Variants in PRKAR2A observed in about 807,000 individuals in gnomAD.
The protein encoded by PRKAR2A is protein kinase cAMP-dependent type II regulatory subunit alpha.
A neutral mutation model predicts 51.9 loss-of-function variants in PRKAR2A; 29 were observed. The ratio of observed to expected loss-of-function variants is 0.56; its 90% CI spans 0.42 to 0.76. PRKAR2A has a LOEUF of 0.76. Among genes scored for constraint, PRKAR2A ranks in the 30% least tolerant of loss-of-function variants. The pLI, the probability that PRKAR2A is intolerant of heterozygous loss-of-function variation, is 0.00. For missense variants in PRKAR2A, 445 were observed against 512.1 expected (o/e 0.87, Z 1.26); for synonymous variants, 178 against 186.2 (o/e 0.96, Z 0.36).
rs1483558482 is a variant in PRKAR2A at position 48,767,271 on chromosome 3, G to A, written c.697-1922C>T. Among the ~76,000 whole-genome samples the A allele has an allele frequency of 2.0e-5, 3 of 152,030 alleles. No individual in the cohort carries two copies. The East Asian group carries it at 5.8e-4, about 29-fold the overall frequency. On this transcript the variant is annotated intron_variant, in intron 6 of 10. Coordinates refer to ENST00000265563, the MANE Select transcript of PRKAR2A (RefSeq NM_004157.4). Reference sequence around the variant, plus strand: ...AGGCAGACGGATCGCTTGAGGTCAGGAGTTCAAGACCAGCCTGGCCAATAT... The same window carrying A: ...AGGCAGACGGATCGCTTGAGGTCAGAAGTTCAAGACCAGCCTGGCCAATAT...
intron 4 of PRKAR2A, among the ~76,000 whole-genome samples, chr3:48,787,160 ATTTAT>A (rs2082307243): frequency 4.6e-5 from 1 of 21,718 alleles, no homozygotes; most frequent in Non-Finnish European, 1.0e-4. Flanking sequence ...GTAATTATTT[ATTTAT>A]TTATTTATTT....
At chr3:48,817,147 T>C (rs904554351) in intron 1 of PRKAR2A, among the ~76,000 whole-genome samples, 3 of 150,580 alleles carry the variant, frequency 2.0e-5, no homozygotes. Flanking sequence ...GCCAAGATGG[T>C]GAAACCCCGT....
intron 1 of PRKAR2A, among the ~76,000 whole-genome samples, chr3:48,834,987 T>C (rs1306097086): frequency 5.3e-5 from 8 of 150,816 alleles, no homozygotes; most frequent in Non-Finnish European, 8.9e-5. Context: ...TTTTTTTTTT[T>C]TTGAGACAAA....
intron 1 of PRKAR2A, among the ~76,000 whole-genome samples, chr3:48,829,713 C>T (rs1281621913): frequency 2.2e-5 from 2 of 92,132 alleles, no homozygotes; most frequent in South Asian, 3.2e-4. Context: ...TATTCTTATA[C>T]GTATATATTT....
chr3:48,839,592 CCT>C (rs1345788214), intron 1 of PRKAR2A, among the ~76,000 whole-genome samples: 3 of 152,012 alleles, frequency 2.0e-5, no homozygotes, highest in African/African-American at 7.2e-5. Context: ...GAAGTTATGT[CCT>C]GTTTGATATT....
chr3:48,819,816 C>A (rs2082933091), intron 1 of PRKAR2A, among the ~76,000 whole-genome samples: 1 of 152,172 alleles, frequency 6.6e-6, no homozygotes, highest in Admixed American at 6.5e-5. Flanking sequence ...GGCTGAAGGC[C>A]ACAACAGTGT....
chr3:48,780,750 C>T (rs1431758834), intron 5 of PRKAR2A, among the ~76,000 whole-genome samples: 7 of 151,620 alleles, frequency 4.6e-5, no homozygotes, highest in Non-Finnish European at 1.0e-4. Context: ...ACCAATGTAT[C>T]TAGTACAGCT....
intron 1 of PRKAR2A, among the ~76,000 whole-genome samples, chr3:48,845,537 A>T (rs1379388430): frequency 3.3e-5 from 5 of 152,216 alleles, no homozygotes; most frequent in Admixed American, 2.6e-4. Context: ...TTGTTTTGTT[A>T]AATTTTAGTT....
rs117540593 is a variant in PRKAR2A, at chr3:48,846,770, G to A, written c.262+565C>T. ...AATACAAACTCAAGTAAGCAGAGGT[G>A]AAATGACCTGAGAGATTTGCTTTAA... On this transcript the variant is annotated intron_variant, in intron 1 of 10. Transcript: ENST00000265563. Among the ~76,000 whole-genome samples the A allele has an allele frequency of 3.3e-5, 5 of 152,288 alleles. No individual in the cohort carries two copies. In the East Asian group the frequency reaches 5.8e-4, roughly 18 times the overall value.
At chr3:48,766,172 G>A (rs1429686518) in intron 6 of PRKAR2A, among the ~76,000 whole-genome samples, 1 of 151,718 alleles carries the variant, frequency 6.6e-6, no homozygotes, top group African/African-American at 2.4e-5. Flanking sequence ...AGTTGTGATT[G>A]TACCACTGCA....
At chr3:48,787,067 G>A (rs2082304813) in intron 4 of PRKAR2A, among the ~76,000 whole-genome samples, 2 of 152,126 alleles carry the variant, frequency 1.3e-5, no homozygotes, top group South Asian at 4.1e-4. Flanking sequence ...CAGATTGGAG[G>A]AGACTAAGAA....
At chr3:48,777,804 C>A in intron 5 of PRKAR2A, among the ~76,000 whole-genome samples, 1 of 152,178 alleles carries the variant, frequency 6.6e-6, no homozygotes, top group Admixed American at 6.6e-5. Flanking sequence ...GAATGTGCCA[C>A]CAACCCTGCT....
intron 5 of PRKAR2A, among the ~76,000 whole-genome samples, chr3:48,774,336 G>A (rs1348852574): frequency 1.3e-5 from 2 of 151,656 alleles, no homozygotes; most frequent in African/African-American, 4.8e-5. Context: ...GCTAAATATT[G>A]TCACCCAAGT....
chr3:48,751,510 T>C lies in PRKAR2A; in HGVS notation c.*75A>G. The C allele has an allele frequency of 1.9e-6, 3 of 1,589,956 alleles. No homozygotes were observed. Among genetic ancestry groups the C allele is most frequent in the South Asian group, 2.2e-5 (2 of 89,372 alleles). ...ACGGCAGGAACAGTTCTGTCATGTCTGTTTTCTGTATGTGTTCTGTGGCTG... is the reference window on the plus strand; with the variant it reads ...ACGGCAGGAACAGTTCTGTCATGTCCGTTTTCTGTATGTGTTCTGTGGCTG... On this transcript the variant is annotated 3_prime_UTR_variant, in exon 11 of 11. Transcript: ENST00000265563.
Position 48,816,507 on chromosome 3 carries a change from G to A in PRKAR2A, c.263-8823C>T, listed in dbSNP as rs1026587038. 9.9e-5 allele frequency among the ~76,000 whole-genome samples: 15 copies of A among 151,846 alleles called. 1 individual carries two copies. Among genetic ancestry groups the A allele is most frequent in the Non-Finnish European group, 1.3e-4 (9 of 67,954 alleles). ...ACAAAAATTAGCCGGGTGTGGTGGC[G>A]CGTGACTGTAGTCCCAGCTACTCAG... On this transcript the variant is annotated intron_variant, in intron 1 of 10. Transcript: ENST00000265563.
At chr3:48,785,853 G>A (rs2082282929) in intron 4 of PRKAR2A, among the ~76,000 whole-genome samples, 1 of 152,160 alleles carries the variant, frequency 6.6e-6, no homozygotes, top group Admixed American at 6.6e-5. Flanking sequence ...AAAAGCAAAT[G>A]TGGTATAATG....
chr3:48,790,630 G>T lies in PRKAR2A; in HGVS notation c.352-3C>A. The T allele has an allele frequency of 7.0e-7, 1 of 1,438,592 alleles. No individual in the cohort carries two copies. Among genetic ancestry groups the T allele is most frequent in the Non-Finnish European group, 9.2e-7 (1 of 1,085,602 alleles). The allele number at this position is 1,438,592 out of a possible 1,614,324, so 89.1% of individuals were successfully genotyped here. A position where few individuals can be genotyped will look rare whatever the true frequency, so the allele number is the denominator to read the frequency against. ...TCATCAGTTTTAGGATGAATCACCT[G>T]CCAATCCAAATAAAACCATGGAAAC... On this transcript the variant is annotated splice_polypyrimidine_tract_variant and splice_region_variant and intron_variant, in intron 3 of 10. Coordinates refer to ENST00000265563, the MANE Select transcript of PRKAR2A (RefSeq NM_004157.4).
intron 1 of PRKAR2A, among the ~76,000 whole-genome samples, chr3:48,842,256 T>C (rs546554188): frequency 3.5e-4 from 54 of 152,338 alleles, no homozygotes; most frequent in Middle Eastern, 3.4e-3. Flanking sequence ...TTTTTGTGCA[T>C]TGATTTTGTA....
chr3:48,799,694 T>C (rs972387981), intron 2 of PRKAR2A, among the ~76,000 whole-genome samples: 1 of 152,188 alleles, frequency 6.6e-6, no homozygotes, highest in Admixed American at 6.5e-5. Context: ...TGGCACCAGG[T>C]TCTCAGTGGA....
Sources: allele counts gnomAD v4.1 joint callset (sites outside exome capture counted in the v4.1 genomes callset), GRCh38; gene constraint gnomAD v4.1.1; transcripts MANE v1.5; gene names NCBI Gene and HGNC (gene_info 2026-07-23, HGNC 2026-07-21).